Variants in ADGRV1 observed in about 807,000 individuals in gnomAD.
The protein encoded by ADGRV1 is adhesion G protein-coupled receptor V1.
A neutral mutation model predicts 596.2 loss-of-function variants in ADGRV1; 359 were observed. The observed-to-expected ratio is 0.60, with a 90% CI of 0.55 to 0.66. The LOEUF is 0.66. Ranked by LOEUF, ADGRV1 falls within the 30% of genes least tolerant of loss-of-function variation. ADGRV1 has a pLI of 0.00. For synonymous variants in ADGRV1, 2,681 were observed against 2,679.2 expected, an observed-to-expected ratio of 1.00 and a Z score of -0.02; for missense variants, 7,274 against 7,575.6, an observed-to-expected ratio of 0.96 and a Z score of 1.48.
rs1355071477 is a variant in ADGRV1, at chr5:91,102,275, G to A, written c.18367G>A (p.Gly6123Arg). 2 of 1,610,652 alleles carry A rather than the reference G, an allele frequency of 1.2e-6. No individual in the cohort carries two copies. The highest frequency in any genetic ancestry group is 1.7e-6 in the Non-Finnish European group (2 of 1,177,998). The change falls in exon 87 of 90, where the codon GGA (glycine) becomes AGA (arginine). Residue 6123 changes from glycine (G) to arginine (R), a missense_variant. By Grantham distance (125) the Gly-to-Arg change is moderately radical. Around this residue, in one of 5 missense-constraint regions of ADGRV1, gnomAD observed 1,874 missense variants for 1,970.2 expected, o/e 0.95. Transcript: ENST00000405460. ...GATTTCCGTGACATGGCTTTGGGGA[G>A]GACTACACATGGCCTACAGACACTT... ...ALISVTWLWGGLHMAYRHFWM... is the reference protein window; with the variant it reads ...ALISVTWLWGRLHMAYRHFWM...
chr5:91,158,057 C>T (rs1314672298), intron 89 of ADGRV1, among the ~76,000 whole-genome samples: 2 of 152,204 alleles, frequency 1.3e-5, no homozygotes, highest in Non-Finnish European at 2.9e-5. Context: ...TAGCACACTC[C>T]TATTTTCCCT....
intron 83 of ADGRV1, among the ~76,000 whole-genome samples, chr5:90,936,804 A>G (rs2150837988): frequency 6.6e-6 from 1 of 152,260 alleles, no homozygotes; most frequent in South Asian, 2.1e-4. Flanking sequence ...AAGTGCATTT[A>G]AAATTTCTTA....
At chr5:91,051,361 AG>A (rs1418650134) in intron 85 of ADGRV1, among the ~76,000 whole-genome samples, 1 of 152,142 alleles carries the variant, frequency 6.6e-6, no homozygotes, top group African/African-American at 2.4e-5. Context: ...TTTCACTTTC[AG>A]TATAGTATTT....
At chr5:90,691,541 T>C (rs951342947) in intron 31 of ADGRV1, among the ~76,000 whole-genome samples, 4 of 151,802 alleles carry the variant, frequency 2.6e-5, no homozygotes, top group African/African-American at 4.8e-5. Flanking sequence ...CATGCCACCA[T>C]GCCTGGCTAA....
intron 86 of ADGRV1, among the ~76,000 whole-genome samples, chr5:91,078,508 C>T (rs966703811): frequency 6.6e-6 from 1 of 152,218 alleles, no homozygotes; most frequent in Non-Finnish European, 1.5e-5. Context: ...TTTGGACTTG[C>T]TTAGACCAAT....
chr5:91,102,257 G>A lies in ADGRV1; in HGVS notation c.18349G>A (p.Val6117Met), dbSNP rs200062593. The A allele has an allele frequency of 1.5e-4, 235 of 1,610,022 alleles. No individual in the cohort carries two copies. The highest frequency in any genetic ancestry group is 5.0e-4 in the Middle Eastern group (3 of 6,052). Residue 6117 changes from valine to methionine, a missense_variant, in exon 87 of 90, where the codon GTG becomes ATG. Transcript: ENST00000405460. ...TTTATATCTCTTTGCTCTGATTTCCGTGACATGGCTTTGGGGAGGACTACA... is the reference window on the plus strand; with the variant it reads ...TTTATATCTCTTTGCTCTGATTTCCATGACATGGCTTTGGGGAGGACTACA... ...LILYLFALIS[V>M]TWLWGGLHMA...
At chr5:90,643,161 T>A in intron 13 of ADGRV1, 120 bp downstream of exon 13, 1 of 903,036 alleles carries the variant, frequency 1.1e-6, no homozygotes, top group Non-Finnish European at 1.6e-6. Flanking sequence ...AAGAAAAGAC[T>A]GAGAAGTACA....
At chr5:90,655,930 C>T (rs1025334968) in intron 20 of ADGRV1, 1 of 152,142 alleles carries the variant, frequency 6.6e-6, no homozygotes. Context: ...TGTTCGTATA[C>T]ACACACTGTA....
At chr5:90,669,125 A>G (rs1263293651) in intron 21 of ADGRV1, among the ~76,000 whole-genome samples, 1 of 152,244 alleles carries the variant, frequency 6.6e-6, no homozygotes, top group Non-Finnish European at 1.5e-5. Flanking sequence ...AATGCTTGAT[A>G]AGTGGTAGAA....
chr5:90,626,371 G>A (rs1038485310), intron 6 of ADGRV1: 11 of 152,044 alleles, frequency 7.2e-5, no homozygotes, highest in African/African-American at 2.7e-4. Flanking sequence ...TATAATTTGG[G>A]GAGATGATTA....
chr5:91,069,862 G>A (rs1788216191), intron 85 of ADGRV1, among the ~76,000 whole-genome samples: 2 of 149,534 alleles, frequency 1.3e-5, no homozygotes, highest in Admixed American at 6.7e-5. Context: ...CAACCCAGGT[G>A]CCCAACAATG....
At chr5:90,652,599 G>T in intron 19 of ADGRV1, 36 bp downstream of exon 19, 1 of 1,338,736 alleles carries the variant, frequency 7.5e-7, no homozygotes, top group Non-Finnish European at 1.0e-6. Context: ...TTATTTCCAT[G>T]TCTTATTTAT....
At chr5:91,088,639 TAAAAAG>T (rs902616417) in intron 86 of ADGRV1, among the ~76,000 whole-genome samples, 3 of 152,020 alleles carry the variant, frequency 2.0e-5, no homozygotes, top group African/African-American at 7.2e-5. Flanking sequence ...CTTCTACTCT[TAAAAAG>T]AAAAATGGAA....
chr5:90,658,300 T>A (rs546096334), intron 21 of ADGRV1, 22 bp downstream of exon 21: 1 of 1,465,878 alleles, frequency 6.8e-7, no homozygotes, highest in South Asian at 1.7e-5. Flanking sequence ...GCTTGGAGAA[T>A]TTTGGATTTA....
In ADGRV1 at chr5:90,810,898, A is replaced by G. The variant is rs1279635301; in HGVS notation, c.15638A>G (p.Asn5213Ser). Reference sequence around the variant, plus strand: ...CCTGATGTGGCCACTGTAACTGCCAATGTTTCCATTCATGGAACATTCAGC... The same window carrying G: ...CCTGATGTGGCCACTGTAACTGCCAGTGTTTCCATTCATGGAACATTCAGC... ...EKPDVATVTA[N>S]VSIHGTFSLG... Residue 5213 changes from asparagine to serine, a missense_variant, in exon 74 of 90, where the codon AAT becomes AGT. Coordinates refer to ENST00000405460, the MANE Select transcript of ADGRV1 (RefSeq NM_032119.4). 6.2e-7 allele frequency: 1 copy of G among 1,613,900 alleles called. No individual in the cohort carries two copies. Among genetic ancestry groups the G allele is most frequent in the Non-Finnish European group, 8.5e-7 (1 of 1,179,896 alleles).
intron 6 of ADGRV1, chr5:90,625,808 G>A (rs1209169785): frequency 2.6e-5 from 4 of 152,218 alleles, no homozygotes; most frequent in African/African-American, 9.7e-5. Context: ...CACCGTGTTA[G>A]CCAGGATGGT....
chr5:90,676,009 G>T, intron 24 of ADGRV1, 71 bp from the exon 25 acceptor site: 1 of 1,232,888 alleles, frequency 8.1e-7, no homozygotes, highest in Non-Finnish European at 1.1e-6. Flanking sequence ...ACAAATTTGT[G>T]TACAGAATGA....
chr5:90,820,954 T>C (rs144844206), intron 75 of ADGRV1, among the ~76,000 whole-genome samples: 36,238 of 150,662 alleles, frequency 0.24, 5,330 homozygotes, highest in Non-Finnish European at 0.34. Context: ...TGAATCTGAA[T>C]GTTGGCCTGC....
intron 24 of ADGRV1, 33 bp downstream of exon 24, chr5:90,675,478 G>A: frequency 1.3e-6 from 2 of 1,569,600 alleles, no homozygotes; most frequent in South Asian, 2.3e-5. Flanking sequence ...AGTTGTATTT[G>A]CACTTGTAAA....
Sources: gnomAD v4.1 joint callset for allele counts (sites outside exome capture counted in the v4.1 genomes callset) on GRCh38, gnomAD v4.1.1 for gene constraint, gnomAD v4.1.1 regional missense constraint, MANE v1.5 for transcripts, NCBI Gene and HGNC (gene_info 2026-07-23, HGNC 2026-07-21) for gene names.